The following MRPS6 variants were observed in gnomAD, a reference collection of about 807,000 sequenced individuals.
MRPS6 encodes the protein small ribosomal subunit protein bS6m.
Under a neutral mutation model 13.1 loss-of-function variants are expected in MRPS6, and 6 were observed. The observed-to-expected ratio is 0.46, with a 90% CI of 0.25 to 0.91. The LOEUF is 0.91. Ranked by LOEUF, MRPS6 falls within the 40% of genes least tolerant of loss-of-function variation. The pLI, the probability that MRPS6 is intolerant of heterozygous loss-of-function variation, is 0.18. For missense variants in MRPS6, 164 were observed against 155.6 expected (o/e 1.05, Z -0.29); for synonymous variants, 61 against 56.5 (o/e 1.08, Z -0.36).
intron 1 of MRPS6, chr21:34,097,121 GAA>G (rs764945747): frequency 6.2e-7 from 1 of 1,614,042 alleles, no homozygotes; most frequent in Non-Finnish European, 8.5e-7. Context: ...TCATGGGTGA[GAA>G]AGAGAGAAAG....
At chr21:34,087,943 A>G (rs1978481195) in intron 1 of MRPS6, among the ~76,000 whole-genome samples, 1 of 152,222 alleles carries the variant, frequency 6.6e-6, no homozygotes, top group South Asian at 2.1e-4. Flanking sequence ...GTCAAGGATG[A>G]CTAAAATTTT....
chr21:34,076,604 C>A (rs1481180101), intron 1 of MRPS6, among the ~76,000 whole-genome samples: 1 of 152,126 alleles, frequency 6.6e-6, no homozygotes, highest in East Asian at 1.9e-4. Flanking sequence ...AATTTATTTT[C>A]AAGTACCATA....
At chr21:34,100,764 T>C in intron 1 of MRPS6, 1 of 1,000,226 alleles carries the variant, frequency 1.0e-6, no homozygotes, top group Non-Finnish European at 1.2e-6. Flanking sequence ...AGTCCATGGC[T>C]CATTTTCTTT....
chr21:34,100,446 A>G (rs1276197100), intron 1 of MRPS6: 1 of 999,972 alleles, frequency 1.0e-6, no homozygotes, highest in Non-Finnish European at 1.2e-6. Context: ...TTGTCTTTAG[A>G]TTAGAGAAGC....
chr21:34,131,528 GA>G (rs1230157023), intron 2 of MRPS6, among the ~76,000 whole-genome samples: 2 of 152,130 alleles, frequency 1.3e-5, no homozygotes, highest in Non-Finnish European at 2.9e-5. Flanking sequence ...GGCATCAAGG[GA>G]GTTAGTTCCA....
At chr21:34,128,415 GA>G (rs769532672) in intron 2 of MRPS6, among the ~76,000 whole-genome samples, 4 of 152,090 alleles carry the variant, frequency 2.6e-5, no homozygotes, top group African/African-American at 7.2e-5. Flanking sequence ...TAGGCTGGAA[GA>G]AAAGAGTAGG....
intron 1 of MRPS6, among the ~76,000 whole-genome samples, chr21:34,082,457 G>A (rs565367144): frequency 2.4e-4 from 36 of 152,182 alleles, no homozygotes; most frequent in African/African-American, 8.4e-4. Flanking sequence ...GTACTATTTG[G>A]TTTGTACCCG....
At chr21:34,140,911 C>A (rs1396966578) in intron 2 of MRPS6, among the ~76,000 whole-genome samples, 1 of 152,064 alleles carries the variant, frequency 6.6e-6, no homozygotes, top group African/African-American at 2.4e-5. Flanking sequence ...TTTTTCTGTC[C>A]TTTTATTTAA....
At chr21:34,086,028 A>G (rs1320834825) in intron 1 of MRPS6, among the ~76,000 whole-genome samples, 1 of 152,210 alleles carries the variant, frequency 6.6e-6, no homozygotes, top group African/African-American at 2.4e-5. Flanking sequence ...TTGACTCTGA[A>G]TCTAAACAAG....
chr21:34,129,376 C>G (rs1423221095), intron 2 of MRPS6, among the ~76,000 whole-genome samples: 1 of 152,194 alleles, frequency 6.6e-6, no homozygotes, highest in East Asian at 1.9e-4. Context: ...AAGGATGCCT[C>G]TGCTCTGTTT....
chr21:34,116,321 T>G (rs1020775792), intron 1 of MRPS6, among the ~76,000 whole-genome samples: 6 of 151,036 alleles, frequency 4.0e-5, no homozygotes, highest in African/African-American at 1.5e-4. Flanking sequence ...CATCCATGTT[T>G]TTTTTTTTTT....
rs371663426 is a variant in MRPS6, at chr21:34,095,856, G to T, written c.45+22111G>T. 8 of 1,613,910 alleles carry T rather than the reference G, an allele frequency of 5.0e-6. No individual in the cohort carries two copies. In the African/African-American group the frequency reaches 1.1e-4, roughly 22 times the overall value. ...GGAAGTTAAGAGAAGGTACATGTTG[G>T]CCTCACCCGATGTCACTTCCATCTT... On this transcript the variant is annotated intron_variant, in intron 1 of 2. Transcript: ENST00000399312.
intron 1 of MRPS6, chr21:34,102,017 C>A: frequency 2.0e-6 from 2 of 1,000,042 alleles, no homozygotes; most frequent in Non-Finnish European, 2.4e-6. Context: ...ATAGAGGAAC[C>A]CTTTTGTACT....
intron 1 of MRPS6, chr21:34,105,603 G>A (rs1979441865): frequency 6.0e-6 from 6 of 999,778 alleles, no homozygotes; most frequent in Non-Finnish European, 7.2e-6. Context: ...CACTGGGGGT[G>A]TATATTGTGT....
chr21:34,090,745 T>C (rs1030838613), intron 1 of MRPS6, among the ~76,000 whole-genome samples: 1 of 152,198 alleles, frequency 6.6e-6, no homozygotes, highest in Non-Finnish European at 1.5e-5. Flanking sequence ...AGCAAGTTGG[T>C]TTCATTTTAA....
intron 1 of MRPS6, chr21:34,100,445 G>A (rs1979182903): frequency 1.0e-6 from 1 of 999,900 alleles, no homozygotes; most frequent in African/African-American, 1.8e-5. Flanking sequence ...TTTGTCTTTA[G>A]ATTAGAGAAG....
At chr21:34,090,201 A>G (rs1978615047) in intron 1 of MRPS6, among the ~76,000 whole-genome samples, 1 of 152,230 alleles carries the variant, frequency 6.6e-6, no homozygotes. Context: ...CAGTTATATT[A>G]GGAAAACCTG....
intron 1 of MRPS6, among the ~76,000 whole-genome samples, chr21:34,077,062 C>G (rs998894669): frequency 1.3e-4 from 20 of 152,168 alleles, no homozygotes; most frequent in Admixed American, 1.1e-3. Context: ...ACCCTGCCCC[C>G]CCTGCAATGA....
rs75284642 is a variant in MRPS6 at position 34,085,450 on chromosome 21, A to G, written c.45+11705A>G. ...TTTTGTATTAAGTGATCTATGGAATAACAAACTTGAGACTGAATATTTTGT... is the reference window on the plus strand; with the variant it reads ...TTTTGTATTAAGTGATCTATGGAATGACAAACTTGAGACTGAATATTTTGT... On this transcript the variant is annotated intron_variant, in intron 1 of 2. Transcript: ENST00000399312. Among the ~76,000 whole-genome samples, 11 of 152,352 alleles carry G rather than the reference A, an allele frequency of 7.2e-5. No homozygotes were observed. In the East Asian group the frequency reaches 2.1e-3, roughly 29 times the overall value.
Sources: gnomAD v4.1 joint callset for allele counts (sites outside exome capture counted in the v4.1 genomes callset) on GRCh38, gnomAD v4.1.1 for gene constraint, MANE v1.5 for transcripts, NCBI Gene and HGNC (gene_info 2026-07-23, HGNC 2026-07-21) for gene names.